Variants in PDE12 observed in about 807,000 individuals in gnomAD.
The protein encoded by PDE12 is 2',5'-phosphodiesterase 12.
In PDE12, 26 loss-of-function variants were observed where a neutral mutation model predicts 45.4. The ratio of observed to expected loss-of-function variants is 0.57; its 90% confidence interval spans 0.42 to 0.79. The LOEUF (loss-of-function observed/expected upper bound fraction) is 0.79. Ranked by LOEUF, PDE12 falls within the 30% of genes least tolerant of loss-of-function variation. The pLI is 0.00. For synonymous variants in PDE12, 283 were observed against 323.9 expected, an observed-to-expected ratio of 0.87 and a Z score of 1.36; for missense variants, 668 against 790.0, an observed-to-expected ratio of 0.85 and a Z score of 1.85.
the PDE12 span, among the ~76,000 whole-genome samples, chr3:57,572,954 G>A: frequency 6.6e-6 from 1 of 152,118 alleles, no homozygotes; most frequent in Non-Finnish European, 1.5e-5. Context: ...TGTAATCCCA[G>A]CACTTTGGGA....
At chr3:57,611,615 A>C in the PDE12 span, among the ~76,000 whole-genome samples, 3 of 152,174 alleles carry the variant, frequency 2.0e-5, no homozygotes, top group South Asian at 4.1e-4. Context: ...ATTTATGCAG[A>C]CAACAGACAC....
the PDE12 span, among the ~76,000 whole-genome samples, chr3:57,596,079 T>G: frequency 6.6e-6 from 1 of 152,234 alleles, no homozygotes. Context: ...GGAGCTCAGC[T>G]GTGATGTAGA....
In PDE12 at chr3:57,557,083, A is replaced by T; in HGVS notation, c.704A>T (p.Tyr235Phe). 1.2e-6 allele frequency: 2 copies of T among 1,613,812 alleles called. No homozygotes were observed. The highest frequency in any genetic ancestry group is 1.7e-6 in the Non-Finnish European group (2 of 1,179,988). ...GAGACTGATGTGGAGGAGCGTGTCT[A>T]CACCCCGTCCAATGCCGACATCGGG... is the stretch of plus-strand genomic sequence containing the variant. ...WTETDVEERV[Y>F]TPSNADIGLR... Residue 235 changes from tyrosine (Y) to phenylalanine (F), a missense_variant, in exon 1 of 3, where the codon TAC becomes TTC. Physicochemically the swap from Tyr to Phe is conservative, Grantham distance 22 (BLOSUM62 3). Around this residue, in one of 3 missense-constraint regions of PDE12, gnomAD observed 580 missense variants for 662.9 expected, o/e 0.87. Transcript: ENST00000311180.
chr3:57,581,122 G>T, the PDE12 span, among the ~76,000 whole-genome samples: 1 of 152,174 alleles, frequency 6.6e-6, no homozygotes, highest in Non-Finnish European at 1.5e-5. Flanking sequence ...AAATTAGTTG[G>T]AATTATAAGA....
chr3:57,629,198 A>C, the PDE12 span, among the ~76,000 whole-genome samples: 30 of 152,336 alleles, frequency 2.0e-4, no homozygotes, highest in Admixed American at 2.0e-3. Context: ...ACTTCCACTA[A>C]GTAGTGACTA....
the PDE12 span, among the ~76,000 whole-genome samples, chr3:57,605,955 AAG>A: frequency 1.3e-5 from 2 of 152,160 alleles, no homozygotes; most frequent in Non-Finnish European, 2.9e-5. Flanking sequence ...TGAAACAGAA[AAG>A]AGTCAAAAAG....
chr3:57,572,708 A>G, the PDE12 span, among the ~76,000 whole-genome samples: 1 of 152,030 alleles, frequency 6.6e-6, no homozygotes, highest in Non-Finnish European at 1.5e-5. Context: ...TATTCATTAT[A>G]TTTAGACAAG....
the PDE12 span, among the ~76,000 whole-genome samples, chr3:57,652,973 C>A: frequency 6.6e-6 from 1 of 152,178 alleles, no homozygotes; most frequent in Admixed American, 6.5e-5. Context: ...AACATTTGAA[C>A]TGGTCTTAGT....
the PDE12 span, among the ~76,000 whole-genome samples, chr3:57,606,287 C>T: frequency 1.3e-5 from 2 of 152,050 alleles, no homozygotes; most frequent in African/African-American, 2.4e-5. Flanking sequence ...AGGGTGACAT[C>T]GTATTTCTCA....
the PDE12 span, among the ~76,000 whole-genome samples, chr3:57,591,679 C>T: frequency 6.6e-6 from 1 of 152,054 alleles, no homozygotes; most frequent in Non-Finnish European, 1.5e-5. Context: ...GTTGTCCAGG[C>T]TGGTCTCGAA....
the PDE12 span, among the ~76,000 whole-genome samples, chr3:57,637,487 T>G: frequency 6.6e-6 from 1 of 152,148 alleles, no homozygotes; most frequent in African/African-American, 2.4e-5. Flanking sequence ...TCCCTCTTGG[T>G]TCTAAAGAAG....
chr3:57,654,364 G>C, the PDE12 span, among the ~76,000 whole-genome samples: 1 of 152,120 alleles, frequency 6.6e-6, no homozygotes, highest in Non-Finnish European at 1.5e-5. Flanking sequence ...GTGTCAGATA[G>C]CATCAGATAC....
At chr3:57,639,491 G>C in the PDE12 span, among the ~76,000 whole-genome samples, 70 of 152,264 alleles carry the variant, frequency 4.6e-4, no homozygotes, top group African/African-American at 1.5e-3. Flanking sequence ...ATAATTAATA[G>C]TCTAAATTAG....
the PDE12 span, among the ~76,000 whole-genome samples, chr3:57,634,340 T>C: frequency 2.7e-5 from 4 of 149,276 alleles, no homozygotes; most frequent in Non-Finnish European, 4.4e-5. Flanking sequence ...GGCTGAGGCA[T>C]GAGAATCACT....
chr3:57,651,209 C>T, the PDE12 span, among the ~76,000 whole-genome samples: 34 of 152,186 alleles, frequency 2.2e-4, no homozygotes, highest in Non-Finnish European at 4.0e-4. Context: ...CAGTATGCTC[C>T]TCAACATATG....
At chr3:57,614,490 C>A in the PDE12 span, among the ~76,000 whole-genome samples, 1 of 151,224 alleles carries the variant, frequency 6.6e-6, no homozygotes, top group Non-Finnish European at 1.5e-5. Flanking sequence ...AAAAAAGACA[C>A]CTGCCGGACA....
the PDE12 span, among the ~76,000 whole-genome samples, chr3:57,621,659 C>G: frequency 5.3e-5 from 8 of 151,654 alleles, no homozygotes; most frequent in African/African-American, 1.7e-4. Context: ...GAGTCTGTCT[C>G]AAAAATAAAA....
intron 2 of PDE12, 84 bp downstream of exon 2, chr3:57,559,472 C>A: frequency 6.4e-7 from 1 of 1,556,142 alleles, no homozygotes; most frequent in South Asian, 1.2e-5. Flanking sequence ...TCTTGAACGT[C>A]ACCCAGAGAC....
the PDE12 span, chr3:57,634,711 G>A: frequency 1.3e-6 from 2 of 1,557,664 alleles, no homozygotes; most frequent in Non-Finnish European, 1.7e-6. Context: ...TACCAGGTTT[G>A]GAATCCAGAG....
Sources: allele counts gnomAD v4.1 joint callset (sites outside exome capture counted in the v4.1 genomes callset), GRCh38; gene constraint gnomAD v4.1.1; regional missense constraint gnomAD v4.1.1; transcripts MANE v1.5; gene names NCBI Gene and HGNC (gene_info 2026-07-23, HGNC 2026-07-21).